Variants in AP4E1 observed in about 807,000 individuals in gnomAD.
AP4E1 encodes the protein adaptor related protein complex 4 subunit epsilon 1.
A neutral mutation model predicts 128.2 loss-of-function variants in AP4E1; 56 were observed. The observed-to-expected ratio is 0.44, with a 90% confidence interval of 0.35 to 0.55. AP4E1 has a LOEUF of 0.55. Ranked by LOEUF, AP4E1 falls within the 20% of genes least tolerant of loss-of-function variation. The probability of loss-of-function intolerance (pLI) is 0.00; values close to 1 mark genes in which losing one functional copy is unlikely to be tolerated. For missense variants in AP4E1, 1,324 were observed against 1,307.7 expected (o/e 1.01, Z -0.19); for synonymous variants, 484 against 473.1 (o/e 1.02, Z -0.30).
chr15:50,955,057 G>C (rs1230691666), intron 13 of AP4E1, among the ~76,000 whole-genome samples: 1 of 152,204 alleles, frequency 6.6e-6, no homozygotes, highest in Non-Finnish European at 1.5e-5. Context: ...ATTCCATGGT[G>C]TATATGTGCC....
chr15:50,928,871 T>C (rs1437706364), intron 5 of AP4E1, 138 bp from the exon 6 acceptor site: 1 of 845,392 alleles, frequency 1.2e-6, no homozygotes, highest in African/African-American at 1.7e-5. Flanking sequence ...AATAAATTAA[T>C]CACAAATGTA....
At chr15:50,954,443 A>G (rs150668146) in intron 13 of AP4E1, among the ~76,000 whole-genome samples, 231 of 152,316 alleles carry the variant, frequency 1.5e-3, no homozygotes, top group African/African-American at 5.3e-3. Flanking sequence ...CTGAATTTTC[A>G]TTCAATAGTT....
chr15:50,962,918 C>T (rs1173338083), intron 14 of AP4E1, among the ~76,000 whole-genome samples: 1 of 80,690 alleles, frequency 1.2e-5, no homozygotes. Context: ...AAAAAAAAAT[C>T]CCATTTAAAG....
intron 15 of AP4E1, among the ~76,000 whole-genome samples, chr15:50,971,840 A>T (rs914184913): frequency 2.6e-5 from 4 of 152,116 alleles, no homozygotes; most frequent in Non-Finnish European, 5.9e-5. Context: ...TCTTGTTCAA[A>T]TAATGTATCA....
chr15:50,975,587 G>A (rs2064540261), intron 15 of AP4E1, among the ~76,000 whole-genome samples: 1 of 152,064 alleles, frequency 6.6e-6, no homozygotes, highest in South Asian at 2.1e-4. Context: ...TGGTGTCCTT[G>A]TTCAATATTA....
chr15:50,915,970 C>G (rs117765831), intron 3 of AP4E1: 1 of 200,590 alleles, frequency 5.0e-6, no homozygotes, highest in Non-Finnish European at 1.0e-5. Context: ...CTGTGTTGCC[C>G]AGGCTAGAGT....
Position 50,997,610 on chromosome 15 carries a change from G to A in AP4E1, c.2631G>A (p.Leu877=). 6.2e-7 allele frequency: 1 copy of A among 1,614,006 alleles called. No individual in the cohort carries two copies. Among genetic ancestry groups the A allele is most frequent in the Non-Finnish European group, 8.5e-7 (1 of 1,179,958 alleles). ...FSYCSLSTPS[L]FANNNMEIFH... Reference sequence around the variant, plus strand: ...ATTGTAGTCTGTCTACACCTTCATTGTTTGCTAATAACAACATGGAAATTT... The same window carrying A: ...ATTGTAGTCTGTCTACACCTTCATTATTTGCTAATAACAACATGGAAATTT... The change falls in exon 18 of 21, where the codon TTG becomes TTA. Residue 877 remains leucine (L), a synonymous_variant. Transcript: ENST00000261842.
chr15:50,998,657 A>G (rs2064915029), intron 18 of AP4E1, among the ~76,000 whole-genome samples: 1 of 152,060 alleles, frequency 6.6e-6, no homozygotes, highest in Non-Finnish European at 1.5e-5. Flanking sequence ...TGTGGAACTT[A>G]AAAAAACAGA....
chr15:50,952,879 T>A (rs546208427), intron 13 of AP4E1, among the ~76,000 whole-genome samples: 34 of 152,280 alleles, frequency 2.2e-4, no homozygotes, highest in African/African-American at 8.2e-4. Flanking sequence ...TATCAGGATA[T>A]ATATAATATC....
chr15:50,958,277 A>G (rs2064259053), intron 13 of AP4E1, among the ~76,000 whole-genome samples: 1 of 152,218 alleles, frequency 6.6e-6, no homozygotes, highest in South Asian at 2.1e-4. Flanking sequence ...TGCTTTATAT[A>G]TTGTTAATGA....
intron 1 of AP4E1, among the ~76,000 whole-genome samples, chr15:50,911,017 T>C (rs532156123): frequency 6.6e-6 from 1 of 152,372 alleles, no homozygotes; most frequent in African/African-American, 2.4e-5. Context: ...TGCTAATTTT[T>C]AAGGGATCCT....
intron 15 of AP4E1, among the ~76,000 whole-genome samples, chr15:50,976,341 A>G (rs894768952): frequency 1.3e-5 from 2 of 152,222 alleles, no homozygotes; most frequent in Non-Finnish European, 2.9e-5. Context: ...TTCATGATTA[A>G]AAAGAAACTC....
rs926651886 is a variant in AP4E1, at chr15:51,003,390, A to C, written c.*728A>C. On this transcript the variant is annotated 3_prime_UTR_variant, in exon 21 of 21. Coordinates refer to ENST00000261842, the MANE Select transcript of AP4E1 (RefSeq NM_007347.5). ...CTCAGAGCCATTTTATATAGAAACA[A>C]AACCCATAAGAGCACACAGTAACAA... The C allele has an allele frequency of 6.6e-6, 1 of 152,554 alleles. No homozygotes were observed. Among genetic ancestry groups the C allele is most frequent in the African/African-American group, 2.4e-5 (1 of 41,476 alleles). 9.5% of individuals were successfully genotyped at this position (152,554 alleles called of 1,614,324 possible). A position where few individuals can be genotyped will look rare whatever the true frequency, so the allele number is the denominator to read the frequency against.
intron 8 of AP4E1, among the ~76,000 whole-genome samples, chr15:50,936,271 A>T (rs1006434595): frequency 3.9e-5 from 6 of 152,208 alleles, no homozygotes; most frequent in African/African-American, 1.4e-4. Context: ...AGTAATTTAA[A>T]GTTTTTTGTT....
chr15:50,923,535 G>A (rs113325902), intron 3 of AP4E1, among the ~76,000 whole-genome samples: 25 of 151,506 alleles, frequency 1.7e-4, no homozygotes, highest in African/African-American at 6.1e-4. Context: ...GTAGTGATTA[G>A]GGTTTTTTTT....
chr15:50,988,765 A>T (rs545221920), intron 16 of AP4E1, among the ~76,000 whole-genome samples: 1 of 152,318 alleles, frequency 6.6e-6, no homozygotes, highest in African/African-American at 2.4e-5. Flanking sequence ...AAGCCAAAAA[A>T]TCATTAAATT....
chr15:50,946,044 G>A, intron 10 of AP4E1: 1 of 781,044 alleles, frequency 1.3e-6, no homozygotes, highest in Non-Finnish European at 2.2e-6. Flanking sequence ...TGTTACTTTT[G>A]ATTTGAGAAC....
chr15:50,967,299 A>G (rs2064406776), intron 14 of AP4E1, among the ~76,000 whole-genome samples: 1 of 152,238 alleles, frequency 6.6e-6, no homozygotes, highest in South Asian at 2.1e-4. Flanking sequence ...GAAATTAAAT[A>G]TTTTGTGATG....
At chr15:50,958,348 G>A (rs1165237664) in intron 13 of AP4E1, 144 bp from the exon 14 acceptor site, 3 of 684,124 alleles carry the variant, frequency 4.4e-6, no homozygotes, top group Non-Finnish European at 7.2e-6. Context: ...ATATACAGTT[G>A]TATCTTTAAT....
Sources: gnomAD v4.1 joint callset for allele counts (sites outside exome capture counted in the v4.1 genomes callset) on GRCh38, gnomAD v4.1.1 for gene constraint, MANE v1.5 for transcripts, NCBI Gene and HGNC (gene_info 2026-07-23, HGNC 2026-07-21) for gene names.